Variants in FSTL4 observed in about 807,000 individuals in gnomAD.
FSTL4 encodes the protein follistatin-related protein 4.
FSTL4 carries 28 observed loss-of-function variants against 78.2 expected under a neutral mutation model. That is an observed-to-expected ratio of 0.36 (90% confidence interval 0.27 to 0.49). The LOEUF (loss-of-function observed/expected upper bound fraction) is 0.49, where lower values mean the gene tolerates loss of function less well. FSTL4 is among the 20% of genes least tolerant of loss of function. The pLI is 0.98. For missense variants in FSTL4, 922 were observed against 1,084.9 expected, an observed-to-expected ratio of 0.85 and a Z score of 2.11; for synonymous variants, 422 against 440.5, an observed-to-expected ratio of 0.96 and a Z score of 0.53.
chr5:133,345,967 C>G (rs552786424), intron 4 of FSTL4, among the ~76,000 whole-genome samples: 1 of 152,210 alleles, frequency 6.6e-6, no homozygotes, highest in African/African-American at 2.4e-5. Context: ...CCACTATTCA[C>G]GATAACAAAG....
At chr5:133,711,538 C>A in the FSTL4 span, among the ~76,000 whole-genome samples, 2 of 152,210 alleles carry the variant, frequency 1.3e-5, no homozygotes, top group African/African-American at 4.8e-5. Flanking sequence ...CACTGTTCCT[C>A]CCATATGTAG....
intron 15 of FSTL4, among the ~76,000 whole-genome samples, chr5:133,200,304 G>T (rs1750278420): frequency 6.6e-6 from 1 of 152,276 alleles, no homozygotes; most frequent in African/African-American, 2.4e-5. Context: ...AACAAGTGCA[G>T]ATGTCCTGTT....
chr5:133,740,757 G>A, the FSTL4 span, among the ~76,000 whole-genome samples: 1 of 152,136 alleles, frequency 6.6e-6, no homozygotes, highest in Non-Finnish European at 1.5e-5. Context: ...AGGTGTGTTG[G>A]TGCTGGATCC....
intron 3 of FSTL4, among the ~76,000 whole-genome samples, chr5:133,502,751 A>T (rs1758525970): frequency 9.1e-6 from 1 of 109,802 alleles, no homozygotes; most frequent in African/African-American, 3.8e-5. Context: ...AGCAGAAGCC[A>T]CTATGCTTCC....
chr5:133,524,085 G>A (rs1342390488), intron 3 of FSTL4, among the ~76,000 whole-genome samples: 1 of 152,218 alleles, frequency 6.6e-6, no homozygotes, highest in Non-Finnish European at 1.5e-5. Context: ...AGCCGCTCAG[G>A]GAGAGGGGAC....
chr5:133,237,670 G>A (rs2126807943), intron 7 of FSTL4, among the ~76,000 whole-genome samples: 1 of 152,252 alleles, frequency 6.6e-6, no homozygotes, highest in Middle Eastern at 3.4e-3. Context: ...TATGAATACT[G>A]GCTACAGAAA....
chr5:133,297,103 A>C (rs1436238059), intron 6 of FSTL4, among the ~76,000 whole-genome samples: 1 of 152,234 alleles, frequency 6.6e-6, no homozygotes, highest in Non-Finnish European at 1.5e-5. Context: ...AGCTCTCTAC[A>C]GGAGAAAAAA....
chr5:133,746,515 C>A, the FSTL4 span, among the ~76,000 whole-genome samples: 1 of 151,892 alleles, frequency 6.6e-6, no homozygotes, highest in Non-Finnish European at 1.5e-5. Context: ...AAATAGTGAG[C>A]AGAAAGGTTT....
the FSTL4 span, among the ~76,000 whole-genome samples, chr5:133,744,212 C>T: frequency 6.6e-6 from 1 of 152,176 alleles, no homozygotes; most frequent in Non-Finnish European, 1.5e-5. Flanking sequence ...TCTTAAATGC[C>T]AAAGCCACAT....
At chr5:133,208,828 G>T (rs989573553) in intron 14 of FSTL4, among the ~76,000 whole-genome samples, 1 of 152,042 alleles carries the variant, frequency 6.6e-6, no homozygotes, top group East Asian at 1.9e-4. Context: ...GCACCATCAC[G>T]TCTGGCTAAG....
the FSTL4 span, among the ~76,000 whole-genome samples, chr5:133,737,422 T>G: frequency 1.3e-5 from 2 of 152,208 alleles, no homozygotes; most frequent in Non-Finnish European, 2.9e-5. Context: ...TCCACGTTGT[T>G]GCAAATGCAG....
chr5:133,446,045 A>G (rs911286457), intron 3 of FSTL4, among the ~76,000 whole-genome samples: 1 of 152,206 alleles, frequency 6.6e-6, no homozygotes, highest in Non-Finnish European at 1.5e-5. Flanking sequence ...ATTGTAGGGT[A>G]TAAAAATGAT....
At chr5:133,551,314 A>G (rs1282098973) in intron 3 of FSTL4, among the ~76,000 whole-genome samples, 1 of 152,258 alleles carries the variant, frequency 6.6e-6, no homozygotes, top group Non-Finnish European at 1.5e-5. Flanking sequence ...TGGGAACCCA[A>G]TAACGACCAA....
intron 6 of FSTL4, among the ~76,000 whole-genome samples, chr5:133,276,643 A>G (rs1406681214): frequency 6.6e-6 from 1 of 152,212 alleles, no homozygotes; most frequent in Non-Finnish European, 1.5e-5. Context: ...GTCTACTCTT[A>G]TAACAGGAGC....
At chr5:133,247,108 C>G (rs764745695) in intron 7 of FSTL4, 4 of 152,234 alleles carry the variant, frequency 2.6e-5, no homozygotes, top group Non-Finnish European at 5.9e-5. Flanking sequence ...TTGTACACAT[C>G]GGGCTTGGAC....
chr5:133,513,361 C>T (rs561871757), intron 3 of FSTL4, among the ~76,000 whole-genome samples: 1 of 152,230 alleles, frequency 6.6e-6, no homozygotes, highest in East Asian at 1.9e-4. Flanking sequence ...TCTTTGGTCA[C>T]AGAGAAGAAT....
At chr5:133,682,114 C>A in the FSTL4 span, among the ~76,000 whole-genome samples, 245 of 152,314 alleles carry the variant, frequency 1.6e-3, 1 homozygote, top group Admixed American at 2.7e-3. Flanking sequence ...GCCCAACTGA[C>A]ATCCTCTGCA....
At chr5:133,750,595 C>G in the FSTL4 span, among the ~76,000 whole-genome samples, 2 of 152,086 alleles carry the variant, frequency 1.3e-5, no homozygotes, top group African/African-American at 4.8e-5. Flanking sequence ...GAGAGAGGAG[C>G]GCGAGGGAAA....
chr5:133,473,119 T>A (rs1032651415), intron 3 of FSTL4, among the ~76,000 whole-genome samples: 8 of 152,360 alleles, frequency 5.3e-5, no homozygotes, highest in African/African-American at 1.7e-4. Context: ...TAGGGGCAGC[T>A]GTTGATTTCT....
Sources: allele counts gnomAD v4.1 joint callset (sites outside exome capture counted in the v4.1 genomes callset), GRCh38; gene constraint gnomAD v4.1.1; transcripts MANE v1.5; gene names NCBI Gene and HGNC (gene_info 2026-07-23, HGNC 2026-07-21).